Variants in KLF12 observed in about 807,000 individuals in gnomAD.
KLF12 encodes the protein KLF transcription factor 12.
Under a neutral mutation model 37.8 loss-of-function variants are expected in KLF12, and 9 were observed. The observed-to-expected ratio is 0.24, with a 90% CI of 0.14 to 0.42. KLF12 has a LOEUF of 0.42. Among genes scored for constraint, KLF12 ranks in the 10% least tolerant of loss-of-function variants. The pLI, the probability that KLF12 is intolerant of heterozygous loss-of-function variation, is 1.00. For missense variants in KLF12, 411 were observed against 516.0 expected, an observed-to-expected ratio of 0.80 and a Z score of 1.97; for synonymous variants, 208 against 202.1, an observed-to-expected ratio of 1.03 and a Z score of -0.25.
At chr13:74,053,283 C>T (rs956438018) in intron 1 of KLF12, among the ~76,000 whole-genome samples, 1 of 152,110 alleles carries the variant, frequency 6.6e-6, no homozygotes, top group Non-Finnish European at 1.5e-5. Flanking sequence ...TTTATTTATA[C>T]TAAATATACA....
At chr13:73,960,907 T>C (rs2139460727) in intron 2 of KLF12, among the ~76,000 whole-genome samples, 1 of 152,240 alleles carries the variant, frequency 6.6e-6, no homozygotes, top group African/African-American at 2.4e-5. Context: ...TTAGCATCCT[T>C]AAAAAAGAAA....
At chr13:74,151,673 A>G in the KLF12 span, among the ~76,000 whole-genome samples, 1 of 152,020 alleles carries the variant, frequency 6.6e-6, no homozygotes, top group Non-Finnish European at 1.5e-5. Context: ...TAAATAAATA[A>G]ATAAGAAGAT....
the KLF12 span, among the ~76,000 whole-genome samples, chr13:74,208,521 A>G: frequency 6.6e-6 from 1 of 152,200 alleles, no homozygotes; most frequent in Non-Finnish European, 1.5e-5. Flanking sequence ...AATAGCAAGT[A>G]AATTATAGAT....
intron 5 of KLF12, among the ~76,000 whole-genome samples, chr13:73,789,648 T>C (rs1881546083): frequency 6.6e-6 from 1 of 151,904 alleles, no homozygotes; most frequent in Non-Finnish European, 1.5e-5. Context: ...GTTTGGACTC[T>C]AGTCCCAAAT....
At chr13:74,124,651 C>G (rs540939360) in intron 1 of KLF12, among the ~76,000 whole-genome samples, 1 of 152,076 alleles carries the variant, frequency 6.6e-6, no homozygotes, top group African/African-American at 2.4e-5. Flanking sequence ...ATTATAACAC[C>G]ATATACCCTA....
chr13:73,910,436 T>C (rs1888513213), intron 3 of KLF12, among the ~76,000 whole-genome samples: 1 of 152,212 alleles, frequency 6.6e-6, no homozygotes, highest in African/African-American at 2.4e-5. Flanking sequence ...AAACTACAGA[T>C]TGTTCTGCAA....
At chr13:74,175,853 G>C in the KLF12 span, among the ~76,000 whole-genome samples, 1 of 152,186 alleles carries the variant, frequency 6.6e-6, no homozygotes, top group Non-Finnish European at 1.5e-5. Flanking sequence ...CTTGATGCCA[G>C]CTAATTCCAG....
At chr13:74,288,743 G>T in the KLF12 span, among the ~76,000 whole-genome samples, 2 of 152,180 alleles carry the variant, frequency 1.3e-5, no homozygotes, top group African/African-American at 2.4e-5. Context: ...GATTTTGGCA[G>T]CTACCCAGAA....
At chr13:73,842,808 C>G (rs1388428709) in intron 4 of KLF12, among the ~76,000 whole-genome samples, 1 of 152,196 alleles carries the variant, frequency 6.6e-6, no homozygotes, top group African/African-American at 2.4e-5. Flanking sequence ...TTCTCTCAGC[C>G]TTCACTACTG....
chr13:73,800,418 G>A (rs892173746), intron 5 of KLF12: 2 of 151,960 alleles, frequency 1.3e-5, no homozygotes, highest in Non-Finnish European at 2.9e-5. Flanking sequence ...TAAAACTTAC[G>A]AATTAGATTA....
chr13:74,085,020 T>C (rs192945429), intron 1 of KLF12, among the ~76,000 whole-genome samples: 6 of 152,338 alleles, frequency 3.9e-5, no homozygotes, highest in Admixed American at 3.9e-4. Context: ...CCTACAGGTC[T>C]ATATCATGAT....
At chr13:73,995,779 A>G (rs937967091) in intron 1 of KLF12, among the ~76,000 whole-genome samples, 1 of 152,306 alleles carries the variant, frequency 6.6e-6, no homozygotes, top group South Asian at 2.1e-4. Context: ...CATTTGCCCT[A>G]TTTGGATATA....
chr13:74,150,318 C>T, the KLF12 span, among the ~76,000 whole-genome samples: 1 of 152,212 alleles, frequency 6.6e-6, no homozygotes, highest in African/African-American at 2.4e-5. Flanking sequence ...ACAGTAGTCT[C>T]CCTTATCTGA....
chr13:73,810,433 T>G (rs935028482), intron 5 of KLF12, among the ~76,000 whole-genome samples: 3 of 152,132 alleles, frequency 2.0e-5, no homozygotes, highest in African/African-American at 7.2e-5. Flanking sequence ...AAGCATACTT[T>G]TTTTATTTTA....
chr13:74,292,707 C>T, the KLF12 span, among the ~76,000 whole-genome samples: 19 of 152,292 alleles, frequency 1.2e-4, no homozygotes, highest in African/African-American at 4.6e-4. Flanking sequence ...CTTCAGGTCT[C>T]AGTTCAAATA....
chr13:74,246,212 C>T, the KLF12 span, among the ~76,000 whole-genome samples: 69 of 152,260 alleles, frequency 4.5e-4, no homozygotes, highest in East Asian at 1.4e-3. Context: ...AAATGGATGA[C>T]GCACTTATGA....
chr13:73,914,526 G>A (rs1593717920), intron 3 of KLF12, among the ~76,000 whole-genome samples: 1 of 137,816 alleles, frequency 7.3e-6, no homozygotes. Context: ...TAAAGTTACA[G>A]AAAAAAACAA....
chr13:74,154,511 C>G, the KLF12 span, among the ~76,000 whole-genome samples: 1 of 152,160 alleles, frequency 6.6e-6, no homozygotes. Flanking sequence ...TATTAGATCA[C>G]CAGGGTTTTC....
At chr13:74,118,928 G>A (rs1877465802) in intron 1 of KLF12, among the ~76,000 whole-genome samples, 2 of 152,012 alleles carry the variant, frequency 1.3e-5, no homozygotes, top group Admixed American at 6.5e-5. Context: ...AACTAAAGGA[G>A]AAAAAGAAAC....
Sources: gnomAD v4.1 joint callset for allele counts (sites outside exome capture counted in the v4.1 genomes callset) on GRCh38, gnomAD v4.1.1 for gene constraint, MANE v1.5 for transcripts, NCBI Gene and HGNC (gene_info 2026-07-23, HGNC 2026-07-21) for gene names.